The following TSGA10 variants were observed in gnomAD, a reference collection of about 807,000 sequenced individuals.
TSGA10 encodes the protein testis-specific gene 10 protein.
A neutral mutation model predicts 96.6 loss-of-function variants in TSGA10; 43 were observed. That is an observed-to-expected ratio of 0.44 (90% CI 0.35 to 0.57). The LOEUF (loss-of-function observed/expected upper bound fraction) is 0.57, where lower values mean the gene tolerates loss of function less well. Among genes scored for constraint, TSGA10 ranks in the 20% least tolerant of loss-of-function variants. The probability of loss-of-function intolerance (pLI) is 0.01; values close to 1 mark genes in which losing one functional copy is unlikely to be tolerated. For missense variants in TSGA10, 703 were observed against 834.4 expected (o/e 0.84, Z 1.94); for synonymous variants, 229 against 269.9 (o/e 0.85, Z 1.48).
intron 18 of TSGA10, among the ~76,000 whole-genome samples, chr2:99,019,715 A>G (rs1480789507): frequency 6.6e-6 from 1 of 152,032 alleles, no homozygotes; most frequent in Non-Finnish European, 1.5e-5. Context: ...AGTTTAATAG[A>G]AAAAAAATTC....
chr2:99,064,883 A>G, intron 16 of TSGA10, 56 bp downstream of exon 16: 1 of 1,439,814 alleles, frequency 6.9e-7, no homozygotes. Context: ...AAGGCCAAAC[A>G]AAACTCTTTT....
At chr2:99,043,245 G>A (rs969639750) in intron 16 of TSGA10, among the ~76,000 whole-genome samples, 3 of 152,044 alleles carry the variant, frequency 2.0e-5, no homozygotes, top group African/African-American at 4.8e-5. Context: ...TAATTGAAAT[G>A]AAAAGGTTTC....
chr2:99,026,040 GAGA>G (rs1282128553), intron 17 of TSGA10, among the ~76,000 whole-genome samples: 1 of 152,192 alleles, frequency 6.6e-6, no homozygotes, highest in Non-Finnish European at 1.5e-5. Flanking sequence ...CTTCCATGTT[GAGA>G]AGACTATGTA....
chr2:99,145,652 C>G (rs1199016103), intron 1 of TSGA10, among the ~76,000 whole-genome samples: 3 of 152,036 alleles, frequency 2.0e-5, no homozygotes, highest in African/African-American at 7.2e-5. Flanking sequence ...TGATTAGCAA[C>G]CTTAATTCCC....
At chr2:99,136,274 A>G (rs1358482556) in intron 1 of TSGA10, among the ~76,000 whole-genome samples, 2 of 152,234 alleles carry the variant, frequency 1.3e-5, no homozygotes, top group Non-Finnish European at 2.9e-5. Context: ...TGTAGCAGTC[A>G]CATGTATTCA....
intron 12 of TSGA10, 82 bp from the exon 13 acceptor site, chr2:99,073,155 C>T: frequency 1.1e-6 from 1 of 930,086 alleles, no homozygotes; most frequent in Non-Finnish European, 1.7e-6. Context: ...AAGAAAATTT[C>T]CCTTTCCCTT....
At chr2:99,116,040 C>A (rs148325702) in intron 4 of TSGA10, among the ~76,000 whole-genome samples, 1 of 152,120 alleles carries the variant, frequency 6.6e-6, no homozygotes, top group Non-Finnish European at 1.5e-5. Flanking sequence ...TAACGTTTCA[C>A]CTGATAATTT....
chr2:99,042,037 C>A (rs79413082), intron 16 of TSGA10, among the ~76,000 whole-genome samples: 5,344 of 138,122 alleles, frequency 0.039, 226 homozygotes, highest in South Asian at 0.16. Context: ...ATTGCCCCCC[C>A]ACATTTTTTT....
intron 16 of TSGA10, among the ~76,000 whole-genome samples, chr2:99,040,060 A>G (rs987748461): frequency 6.6e-6 from 1 of 152,162 alleles, no homozygotes. Context: ...ACATATGACA[A>G]ACTCCAGTAT....
At chr2:99,114,682 C>CTTA (rs2092101718) in intron 4 of TSGA10, among the ~76,000 whole-genome samples, 2 of 152,112 alleles carry the variant, frequency 1.3e-5, no homozygotes, top group Admixed American at 6.6e-5. Context: ...AATCCTAGCT[C>CTTA]TTATATTTTA....
chr2:99,020,224 T>A (rs983852562), intron 18 of TSGA10, 56 bp downstream of exon 18: 2 of 1,486,542 alleles, frequency 1.3e-6, no homozygotes, highest in African/African-American at 2.8e-5. Flanking sequence ...AAATTTCTAC[T>A]AAAGTACCAA....
At chr2:99,093,936 C>G (rs1191806443) in intron 10 of TSGA10, among the ~76,000 whole-genome samples, 1 of 152,040 alleles carries the variant, frequency 6.6e-6, no homozygotes, top group Non-Finnish European at 1.5e-5. Context: ...AAAGAGCCCA[C>G]ATAGCCAAGG....
intron 1 of TSGA10, among the ~76,000 whole-genome samples, chr2:99,137,236 C>A (rs1490503211): frequency 6.6e-6 from 1 of 152,246 alleles, no homozygotes; most frequent in Admixed American, 6.5e-5. Flanking sequence ...ACCTCATGAT[C>A]CACCCGCCTC....
intron 4 of TSGA10, among the ~76,000 whole-genome samples, chr2:99,112,592 A>G (rs570117382): frequency 1.3e-5 from 2 of 152,162 alleles, no homozygotes; most frequent in East Asian, 3.9e-4. Flanking sequence ...AAAGGAAGTC[A>G]ATCATGTGAA....
At chr2:99,073,995 C>CTTTT (rs2086298056) in intron 12 of TSGA10, among the ~76,000 whole-genome samples, 10 of 36,134 alleles carry the variant, frequency 2.8e-4, no homozygotes, top group African/African-American at 1.0e-3. Flanking sequence ...GTTCCTGTTT[C>CTTTT]TTTTCTTTTT....
intron 10 of TSGA10, among the ~76,000 whole-genome samples, chr2:99,086,481 A>G (rs1469119774): frequency 6.6e-6 from 1 of 152,244 alleles, no homozygotes; most frequent in Non-Finnish European, 1.5e-5. Context: ...ACAGACTGAT[A>G]AAGAAATAAT....
chr2:99,116,489 G>C (rs1362766947), intron 4 of TSGA10, among the ~76,000 whole-genome samples: 2 of 152,156 alleles, frequency 1.3e-5, no homozygotes, highest in African/African-American at 2.4e-5. Context: ...TGAGAATTTA[G>C]TATCTGTTAA....
chr2:99,108,978 TCA>T lies in TSGA10; in HGVS notation c.63_64del (p.Cys21Ter). ...TGTTGTTGTCTTCAAAAGTTCTACA[TCA>T]CAGTTTGCACCCTATAATTATATAA... is the stretch of plus-strand genomic sequence containing the variant. On this transcript the variant is annotated stop_gained and frameshift_variant, in exon 7 of 21. Transcript: ENST00000393483. LOFTEE classifies it high-confidence loss of function. The T allele has an allele frequency of 6.3e-7, 1 of 1,585,842 alleles. No individual in the cohort carries two copies. Among genetic ancestry groups the T allele is most frequent in the Non-Finnish European group, 8.5e-7 (1 of 1,171,282 alleles).
intron 10 of TSGA10, chr2:99,102,836 T>C (rs1559024096): frequency 8.9e-7 from 1 of 1,117,848 alleles, no homozygotes; most frequent in South Asian, 1.2e-5. Flanking sequence ...AACCTAAATA[T>C]TTGGCCAATA....
Sources: gnomAD v4.1 joint callset for allele counts (sites outside exome capture counted in the v4.1 genomes callset) on GRCh38, gnomAD v4.1.1 for gene constraint, MANE v1.5 for transcripts, NCBI Gene and HGNC (gene_info 2026-07-23, HGNC 2026-07-21) for gene names.